The following CNTNAP2 variants were observed in gnomAD, a reference collection of about 807,000 sequenced individuals.
The protein encoded by CNTNAP2 is contactin-associated protein-like 2.
In CNTNAP2, 98 loss-of-function variants were observed where a neutral mutation model predicts 155.2. The observed-to-expected ratio is 0.63, with a 90% CI of 0.54 to 0.75. CNTNAP2 has a LOEUF of 0.75. Ranked by LOEUF, CNTNAP2 falls within the 30% of genes least tolerant of loss-of-function variation. The probability of loss-of-function intolerance (pLI) is 0.00; values close to 1 mark genes in which losing one functional copy is unlikely to be tolerated. For synonymous variants in CNTNAP2, 651 were observed against 631.2 expected, an observed-to-expected ratio of 1.03 and a Z score of -0.47; for missense variants, 1,727 against 1,688.1, an observed-to-expected ratio of 1.02 and a Z score of -0.40.
chr7:146,759,370 G>C (rs530150323), intron 1 of CNTNAP2, among the ~76,000 whole-genome samples: 2 of 152,142 alleles, frequency 1.3e-5, no homozygotes, highest in South Asian at 4.2e-4. Context: ...AGAGACATTA[G>C]AAAGGGGAGG....
intron 8 of CNTNAP2, among the ~76,000 whole-genome samples, chr7:147,192,589 G>A (rs192054585): frequency 1.3e-5 from 2 of 151,814 alleles, no homozygotes. Flanking sequence ...TAACATTTGG[G>A]AACCACAGCT....
intron 21 of CNTNAP2, among the ~76,000 whole-genome samples, chr7:148,382,830 A>G (rs1328272023): frequency 6.6e-6 from 1 of 152,242 alleles, no homozygotes; most frequent in Non-Finnish European, 1.5e-5. Flanking sequence ...GCTCTTAAGC[A>G]TTTAAGGACT....
chr7:147,649,928 A>G (rs1288407354), intron 13 of CNTNAP2, among the ~76,000 whole-genome samples: 1 of 152,058 alleles, frequency 6.6e-6, no homozygotes, highest in Non-Finnish European at 1.5e-5. Context: ...AAATTTAAGG[A>G]GAAAATTTTT....
intron 1 of CNTNAP2, among the ~76,000 whole-genome samples, chr7:146,412,531 T>A (rs1795880796): frequency 6.6e-6 from 1 of 152,206 alleles, no homozygotes; most frequent in Non-Finnish European, 1.5e-5. Flanking sequence ...CCACTGTGAA[T>A]AATATCTACT....
intron 13 of CNTNAP2, among the ~76,000 whole-genome samples, chr7:147,699,185 A>T (rs1796201323): frequency 6.6e-6 from 1 of 151,900 alleles, no homozygotes; most frequent in African/African-American, 2.4e-5. Flanking sequence ...TGACTTAAGC[A>T]AGCTGAACGG....
chr7:146,938,587 G>A (rs998331428), intron 3 of CNTNAP2, among the ~76,000 whole-genome samples: 1 of 151,618 alleles, frequency 6.6e-6, no homozygotes, highest in Non-Finnish European at 1.5e-5. Context: ...TCTCATTAAT[G>A]CTCCATCACT....
chr7:146,882,726 G>A (rs1795577984), intron 3 of CNTNAP2, among the ~76,000 whole-genome samples: 1 of 152,068 alleles, frequency 6.6e-6, no homozygotes, highest in South Asian at 2.1e-4. Flanking sequence ...CTGAATGGTA[G>A]GTCAGCTCCT....
chr7:146,598,514 G>T (rs1798897655), intron 1 of CNTNAP2, among the ~76,000 whole-genome samples: 1 of 152,036 alleles, frequency 6.6e-6, no homozygotes, highest in Admixed American at 6.6e-5. Flanking sequence ...TGTCTTGTCA[G>T]TGTTACCAAT....
At chr7:148,196,952 T>C (rs547031945) in intron 18 of CNTNAP2, among the ~76,000 whole-genome samples, 1 of 152,296 alleles carries the variant, frequency 6.6e-6, no homozygotes, top group South Asian at 2.1e-4. Flanking sequence ...GTGCTTTCAC[T>C]TGCTAGGCAG....
At chr7:147,179,270 T>C (rs1802409169) in intron 8 of CNTNAP2, among the ~76,000 whole-genome samples, 1 of 152,192 alleles carries the variant, frequency 6.6e-6, no homozygotes, top group African/African-American at 2.4e-5. Flanking sequence ...AGAAGCTTAG[T>C]TGGATATTGT....
intron 10 of CNTNAP2, among the ~76,000 whole-genome samples, chr7:147,396,293 G>C (rs1796815642): frequency 6.6e-6 from 1 of 151,564 alleles, no homozygotes; most frequent in South Asian, 2.1e-4. Flanking sequence ...ACAGCAGTGT[G>C]GCAGAGAAAC....
intron 12 of CNTNAP2, among the ~76,000 whole-genome samples, chr7:147,616,174 T>G (rs528427873): frequency 3.9e-5 from 6 of 152,344 alleles, no homozygotes; most frequent in African/African-American, 1.2e-4. Context: ...ATTATATTTT[T>G]TAATGTATTT....
intron 11 of CNTNAP2, among the ~76,000 whole-genome samples, chr7:147,522,588 C>T (rs1799246581): frequency 1.3e-5 from 2 of 151,644 alleles, no homozygotes; most frequent in African/African-American, 4.8e-5. Context: ...ATGGTAGAAA[C>T]AAATGGCTTG....
At chr7:146,869,380 C>T (rs959908115) in intron 3 of CNTNAP2, among the ~76,000 whole-genome samples, 3 of 152,112 alleles carry the variant, frequency 2.0e-5, no homozygotes, top group Admixed American at 2.0e-4. Context: ...CCTACTTGAT[C>T]ATGGTAGATT....
intron 3 of CNTNAP2, among the ~76,000 whole-genome samples, chr7:146,997,232 G>A (rs1798328769): frequency 6.6e-6 from 1 of 152,050 alleles, no homozygotes; most frequent in Non-Finnish European, 1.5e-5. Flanking sequence ...ACTTTATTAT[G>A]TTGAGGTATT....
At chr7:148,087,902 CA>C (rs1803764465) in intron 15 of CNTNAP2, among the ~76,000 whole-genome samples, 1 of 152,026 alleles carries the variant, frequency 6.6e-6, no homozygotes, top group Non-Finnish European at 1.5e-5. Context: ...TAATTTTTTC[CA>C]AATAAGATTA....
At chr7:147,026,596 T>C (rs1395120626) in intron 3 of CNTNAP2, among the ~76,000 whole-genome samples, 1 of 152,086 alleles carries the variant, frequency 6.6e-6, no homozygotes, top group Non-Finnish European at 1.5e-5. Context: ...ATGTCTTTTT[T>C]TTTTTCTGTT....
intron 4 of CNTNAP2, among the ~76,000 whole-genome samples, chr7:147,075,922 G>A (rs976355429): frequency 1.3e-5 from 2 of 152,038 alleles, no homozygotes; most frequent in Non-Finnish European, 2.9e-5. Context: ...CAGAATGATG[G>A]TTTCCAGCTT....
intron 12 of CNTNAP2, among the ~76,000 whole-genome samples, chr7:147,590,422 G>A (rs554488177): frequency 6.6e-6 from 1 of 152,186 alleles, no homozygotes; most frequent in African/African-American, 2.4e-5. Context: ...AGATCTGATG[G>A]TCTTTATAAG....
Sources: gnomAD v4.1 joint callset for allele counts (sites outside exome capture counted in the v4.1 genomes callset) on GRCh38, gnomAD v4.1.1 for gene constraint, MANE v1.5 for transcripts, NCBI Gene and HGNC (gene_info 2026-07-23, HGNC 2026-07-21) for gene names.